Variants in NEK11 observed in about 807,000 individuals in gnomAD.
NEK11 encodes serine/threonine-protein kinase Nek11.
Under a neutral mutation model 80.7 loss-of-function variants are expected in NEK11, and 72 were observed. The observed-to-expected ratio is 0.89, with a 90% CI of 0.74 to 1.08. The LOEUF is 1.08. Among genes scored for constraint, NEK11 ranks in the 50% least tolerant of loss-of-function variants. The pLI is 0.00. For synonymous variants in NEK11, 251 were observed against 260.7 expected (o/e 0.96, Z 0.36); for missense variants, 764 against 763.6 (o/e 1.00, Z -0.01).
chr3:131,273,954 CTT>C (rs56868178), intron 17 of NEK11, among the ~76,000 whole-genome samples: 2 of 149,002 alleles, frequency 1.3e-5, no homozygotes, highest in African/African-American at 2.5e-5. Flanking sequence ...CCAGAGTGGT[CTT>C]TTTTTTTTAT....
At chr3:131,203,624 T>A (rs1233824717) in intron 14 of NEK11, among the ~76,000 whole-genome samples, 2 of 141,278 alleles carry the variant, frequency 1.4e-5, no homozygotes, top group African/African-American at 5.2e-5. Context: ...GAAACAAAAA[T>A]TTTCAAAACG....
At chr3:131,275,142 G>T (rs1256833271) in intron 17 of NEK11, among the ~76,000 whole-genome samples, 1 of 152,092 alleles carries the variant, frequency 6.6e-6, no homozygotes, top group Non-Finnish European at 1.5e-5. Context: ...CTGATTCCCA[G>T]AAATTGAAAG....
chr3:131,106,966 T>C (rs1215885367), intron 4 of NEK11, among the ~76,000 whole-genome samples: 1 of 152,176 alleles, frequency 6.6e-6, no homozygotes, highest in East Asian at 1.9e-4. Context: ...CTAAAGCTTT[T>C]GACTGATATT....
intron 3 of NEK11, among the ~76,000 whole-genome samples, chr3:131,047,586 C>G (rs1225083484): frequency 6.6e-6 from 1 of 152,196 alleles, no homozygotes; most frequent in East Asian, 1.9e-4. Context: ...GGGCTCTGGA[C>G]TGCTAGTGGG....
At chr3:131,040,089 T>C (rs1423086192) in intron 3 of NEK11, among the ~76,000 whole-genome samples, 2 of 152,212 alleles carry the variant, frequency 1.3e-5, no homozygotes, top group Non-Finnish European at 2.9e-5. Flanking sequence ...GTATCAAAAA[T>C]AAGCAGTTAA....
intron 15 of NEK11, among the ~76,000 whole-genome samples, chr3:131,242,701 A>G (rs1450612522): frequency 2.6e-5 from 4 of 152,162 alleles, no homozygotes; most frequent in Non-Finnish European, 4.4e-5. Context: ...TACAGGCGTG[A>G]GCCACTGTGC....
intron 16 of NEK11, among the ~76,000 whole-genome samples, chr3:131,246,279 A>G (rs1027437529): frequency 6.6e-6 from 1 of 152,066 alleles, no homozygotes; most frequent in Non-Finnish European, 1.5e-5. Context: ...ACAAGTCCCT[A>G]AAGTCCAAAT....
At chr3:131,097,044 T>C (rs180771245) in intron 4 of NEK11, among the ~76,000 whole-genome samples, 3 of 151,922 alleles carry the variant, frequency 2.0e-5, no homozygotes, top group Admixed American at 6.6e-5. Flanking sequence ...TTCATCCATG[T>C]CCCTACAAAG....
chr3:131,121,392 C>T (rs1245474896), intron 5 of NEK11, among the ~76,000 whole-genome samples: 3 of 152,226 alleles, frequency 2.0e-5, no homozygotes, highest in South Asian at 2.1e-4. Context: ...TGTCTGTTGG[C>T]CCCTACTGGG....
chr3:131,053,799 C>G (rs1560183792), intron 3 of NEK11: 1 of 152,190 alleles, frequency 6.6e-6, no homozygotes, highest in Non-Finnish European at 1.5e-5. Context: ...GTCTATTTAA[C>G]TATAAGACTG....
intron 1 of NEK11, chr3:131,027,411 C>A (rs4682645): frequency 6.6e-6 from 1 of 151,668 alleles, no homozygotes; most frequent in Non-Finnish European, 1.5e-5. Flanking sequence ...TCACCGAGAA[C>A]GGGTAGTTTG....
intron 12 of NEK11, 65 bp from the exon 13 acceptor site, chr3:131,168,765 T>G: frequency 8.4e-7 from 1 of 1,189,026 alleles, no homozygotes; most frequent in African/African-American, 1.5e-5. Flanking sequence ...AAGCAGCACT[T>G]CACCTCTAGA....
chr3:131,228,025 A>G (rs1214245662), intron 14 of NEK11, among the ~76,000 whole-genome samples: 1 of 152,162 alleles, frequency 6.6e-6, no homozygotes, highest in Non-Finnish European at 1.5e-5. Flanking sequence ...CAGCTTGCCA[A>G]AATGATGCTG....
In NEK11 at chr3:131,026,949, C is replaced by G. The variant is rs2109126577; in HGVS notation, c.-227C>G. The G allele has an allele frequency of 6.6e-6, 1 of 152,390 alleles. No individual in the cohort carries two copies. The highest frequency in any genetic ancestry group is 1.9e-4 in the East Asian group (1 of 5,170). 9.4% of individuals were successfully genotyped at this position (152,390 alleles called of 1,614,324 possible). A position where few individuals can be genotyped will look rare whatever the true frequency, so the allele number is the denominator to read the frequency against. ...TGGTTGCCCCTAGTTTGAGGCCTGC[C>G]CGATTACCCGCAAGACTTGGGCAGC... On this transcript the variant is annotated 5_prime_UTR_variant, in exon 1 of 18. Transcript: ENST00000383366.
At chr3:131,291,157 T>C (rs61147925) in intron 17 of NEK11, among the ~76,000 whole-genome samples, 30,407 of 152,104 alleles carry the variant, frequency 0.2, 5,964 homozygotes, top group African/African-American at 0.5. Flanking sequence ...TTGCCTTTTC[T>C]GGAATGTCAT....
Position 131,349,881 on chromosome 3 carries a change from C to A in NEK11, c.*105C>A. ...ATGGGGAATGGATACAAAAGCAGAG[C>A]TCCCATCTTGACTTTCAATTCCTCA... is the stretch of plus-strand genomic sequence containing the variant. On this transcript the variant is annotated 3_prime_UTR_variant, in exon 18 of 18. Coordinates refer to ENST00000383366, the MANE Select transcript of NEK11 (RefSeq NM_024800.5). 1.2e-6 allele frequency: 1 copy of A among 836,954 alleles called. No individual in the cohort carries two copies. Among genetic ancestry groups the A allele is most frequent in the Non-Finnish European group, 1.9e-6 (1 of 535,118 alleles). The allele number at this position is 836,954 out of a possible 1,614,324, so 51.8% of individuals were successfully genotyped here.
intron 4 of NEK11, among the ~76,000 whole-genome samples, chr3:131,098,881 G>A (rs1057032460): frequency 6.6e-6 from 1 of 151,106 alleles, no homozygotes; most frequent in African/African-American, 2.4e-5. Context: ...GATATTAAAC[G>A]TTTGTTGGAT....
In NEK11 at chr3:131,274,945, G is replaced by A. The variant is rs559683948; in HGVS notation, c.1718+1371G>A. On this transcript the variant is annotated intron_variant, in intron 17 of 17. Transcript: ENST00000383366. Reference sequence around the variant, plus strand: ...TGGGATTACAGGCGTGAGCCACCGCGCCCGGCCGTTTCCTGACTTTTTAAT... The same window carrying A: ...TGGGATTACAGGCGTGAGCCACCGCACCCGGCCGTTTCCTGACTTTTTAAT... 7.3e-5 allele frequency among the ~76,000 whole-genome samples: 11 copies of A among 151,722 alleles called. No individual in the cohort carries two copies. In the East Asian group the frequency reaches 8.0e-4, roughly 11 times the overall value.
chr3:131,341,488 A>G (rs2097285321), intron 17 of NEK11, among the ~76,000 whole-genome samples: 1 of 152,214 alleles, frequency 6.6e-6, no homozygotes, highest in Non-Finnish European at 1.5e-5. Context: ...GCCTGGGAAG[A>G]ATGTCTTGCT....
Sources: gnomAD v4.1 joint callset for allele counts (sites outside exome capture counted in the v4.1 genomes callset) on GRCh38, gnomAD v4.1.1 for gene constraint, MANE v1.5 for transcripts, NCBI Gene and HGNC (gene_info 2026-07-23, HGNC 2026-07-21) for gene names.